The following FRMPD4 variants were observed in gnomAD, a reference collection of about 807,000 sequenced individuals.
FRMPD4 encodes FERM and PDZ domain containing 4.
Under a neutral mutation model 94.1 loss-of-function variants are expected in FRMPD4, and 22 were observed. That is an observed-to-expected ratio of 0.23 (90% CI 0.17 to 0.33). FRMPD4 has a LOEUF of 0.33. Among genes scored for constraint, FRMPD4 ranks in the 10% least tolerant of loss-of-function variants. The probability of loss-of-function intolerance (pLI) is 1.00; values close to 1 mark genes in which losing one functional copy is unlikely to be tolerated. For missense variants in FRMPD4, 1,111 were observed against 1,339.9 expected, an observed-to-expected ratio of 0.83 and a Z score of 2.67; for synonymous variants, 631 against 548.6, an observed-to-expected ratio of 1.15 and a Z score of -2.10.
intron 4 of FRMPD4, among the ~76,000 whole-genome samples, chrX:12,617,108 A>G (rs139581302): frequency 1.6e-3 from 179 of 112,346 alleles, no homozygotes; most frequent in African/African-American, 5.6e-3. Flanking sequence ...AGCGCTCTCT[A>G]TAGAACTTTA....
At chrX:12,417,415 C>T (rs1210750703) in intron 1 of FRMPD4, among the ~76,000 whole-genome samples, 3 of 108,260 alleles carry the variant, frequency 2.8e-5, no homozygotes, top group Non-Finnish European at 5.7e-5. Context: ...CCCATCTCTA[C>T]TAAAAGTACA....
At chrX:11,833,470 G>A (rs747652635) in intron 1 of FRMPD4, among the ~76,000 whole-genome samples, 2 of 112,054 alleles carry the variant, frequency 1.8e-5, no homozygotes, top group South Asian at 7.4e-4. Context: ...AGTAAGGAAT[G>A]AGAGTTCCTG....
chrX:12,078,168 A>T (rs2055035435), intron 3 of FRMPD4, among the ~76,000 whole-genome samples: 1 of 112,335 alleles, frequency 8.9e-6, no homozygotes, highest in Non-Finnish European at 1.9e-5. Context: ...GTCCTAGATG[A>T]TTCCCACGGT....
intron 3 of FRMPD4, among the ~76,000 whole-genome samples, chrX:11,979,534 T>C (rs1186821737): frequency 8.9e-6 from 1 of 112,276 alleles, no homozygotes; most frequent in Non-Finnish European, 1.9e-5. Context: ...TCATTGATGC[T>C]TGGCATTATC....
intron 1 of FRMPD4, among the ~76,000 whole-genome samples, chrX:11,856,969 AT>A (rs1162190350): frequency 3.0e-4 from 33 of 111,775 alleles, no homozygotes; most frequent in Non-Finnish European, 4.7e-4. Context: ...TACCACAAAA[AT>A]AATAAAATGC....
chrX:12,060,302 A>G (rs2147460185), intron 3 of FRMPD4, among the ~76,000 whole-genome samples: 1 of 105,153 alleles, frequency 9.5e-6, no homozygotes, highest in South Asian at 4.4e-4. Context: ...AATAATAGCT[A>G]TTCAGACTGG....
chrX:12,030,730 G>A (rs978116298), intron 3 of FRMPD4, among the ~76,000 whole-genome samples: 6 of 111,827 alleles, frequency 5.4e-5, no homozygotes, highest in African/African-American at 1.9e-4. Flanking sequence ...AAGCAAGTTG[G>A]AGGTAGCCAT....
rs779436295 is a variant in FRMPD4, at chrX:11,965,841, G to A, written c.95+87823G>A. Among the ~76,000 whole-genome samples the A allele has an allele frequency of 2.7e-5, 3 of 112,203 alleles. No individual in the cohort carries two copies. In the South Asian group the frequency reaches 1.1e-3, roughly 42 times the overall value. Reference sequence around the variant, plus strand: ...GGAGTTTGAATAGTGTCTTGATTTGGTTGTCATTTAGAAGCAACGACTTTA... The same window carrying A: ...GGAGTTTGAATAGTGTCTTGATTTGATTGTCATTTAGAAGCAACGACTTTA... On this transcript the variant is annotated intron_variant, in intron 3 of 18. Transcript: ENST00000640291.
chrX:12,582,066 T>C (rs2058871579), intron 2 of FRMPD4, among the ~76,000 whole-genome samples: 1 of 112,362 alleles, frequency 8.9e-6, no homozygotes, highest in Admixed American at 9.4e-5. Context: ...TCTGCAGTGC[T>C]TAGAACAATG....
intron 3 of FRMPD4, among the ~76,000 whole-genome samples, chrX:11,927,194 A>T (rs1287154300): frequency 9.0e-6 from 1 of 111,091 alleles, no homozygotes; most frequent in Non-Finnish European, 1.9e-5. Flanking sequence ...GCTAATGGGG[A>T]GGTAAAAGAT....
At chrX:11,905,910 C>A (rs949317305) in intron 3 of FRMPD4, among the ~76,000 whole-genome samples, 1 of 110,887 alleles carries the variant, frequency 9.0e-6, no homozygotes, top group Non-Finnish European at 1.9e-5. Flanking sequence ...GTATAACTTA[C>A]AAGCAATAAC....
intron 3 of FRMPD4, among the ~76,000 whole-genome samples, chrX:11,944,772 C>A (rs891982407): frequency 9.0e-6 from 1 of 110,734 alleles, no homozygotes; most frequent in Non-Finnish European, 1.9e-5. Context: ...GTCAGCAGCT[C>A]CCAAATATAA....
intron 3 of FRMPD4, among the ~76,000 whole-genome samples, chrX:12,020,906 A>T (rs754436715): frequency 3.7e-4 from 41 of 111,385 alleles, no homozygotes; most frequent in African/African-American, 1.3e-3. Context: ...TGGTTATAAT[A>T]CCCTATTTCT....
intron 2 of FRMPD4, among the ~76,000 whole-genome samples, chrX:12,602,810 G>A (rs2059096448): frequency 8.9e-6 from 1 of 111,830 alleles, no homozygotes; most frequent in Non-Finnish European, 1.9e-5. Context: ...AGGCCTTCTT[G>A]TGACGCTGGT....
chrX:12,556,927 C>T (rs1569335123), intron 2 of FRMPD4, among the ~76,000 whole-genome samples: 1 of 111,924 alleles, frequency 8.9e-6, no homozygotes, highest in East Asian at 2.8e-4. Context: ...TCCCTGCAGC[C>T]TCGACCTGCT....
intron 1 of FRMPD4, among the ~76,000 whole-genome samples, chrX:12,332,538 T>G (rs1263726197): frequency 9.1e-6 from 1 of 110,325 alleles, no homozygotes; most frequent in Non-Finnish European, 1.9e-5. Flanking sequence ...GAAAATATGA[T>G]TAAATGCATG....
At chrX:12,578,104 G>C (rs1286234509) in intron 2 of FRMPD4, among the ~76,000 whole-genome samples, 1 of 112,273 alleles carries the variant, frequency 8.9e-6, no homozygotes, top group Non-Finnish European at 1.9e-5. Context: ...CTCATCATGA[G>C]GGCCTTCCCC....
chrX:12,397,270 A>T (rs1408982560), intron 1 of FRMPD4, among the ~76,000 whole-genome samples: 2 of 111,170 alleles, frequency 1.8e-5, no homozygotes, highest in Non-Finnish European at 3.8e-5. Context: ...TTTAAAAAAA[A>T]AAATACATGT....
intron 1 of FRMPD4, among the ~76,000 whole-genome samples, chrX:12,456,769 T>G (rs994592876): frequency 2.7e-5 from 3 of 113,061 alleles, no homozygotes; most frequent in African/African-American, 9.6e-5. Flanking sequence ...ATAAAAAAAT[T>G]AGATAGTATC....
Sources: gnomAD v4.1 joint callset for allele counts (sites outside exome capture counted in the v4.1 genomes callset) on GRCh38, gnomAD v4.1.1 for gene constraint, MANE v1.5 for transcripts, NCBI Gene and HGNC (gene_info 2026-07-23, HGNC 2026-07-21) for gene names.